ASIC2: variants seen among roughly 807,000 people sequenced by gnomAD.
ASIC2 encodes the protein acid sensing ion channel subunit 2, also known as acid-sensing ion channel 2.
Under a neutral mutation model 57.3 loss-of-function variants are expected in ASIC2, and 25 were observed. The observed-to-expected ratio is 0.44, with a 90% CI of 0.32 to 0.61. The LOEUF (loss-of-function observed/expected upper bound fraction) is 0.61. Among genes scored for constraint, ASIC2 ranks in the 20% least tolerant of loss-of-function variants. The pLI, the probability that ASIC2 is intolerant of heterozygous loss-of-function variation, is 0.06. For missense variants in ASIC2, 641 were observed against 738.1 expected, an observed-to-expected ratio of 0.87 and a Z score of 1.52; for synonymous variants, 319 against 307.5, an observed-to-expected ratio of 1.04 and a Z score of -0.39.
chr17:34,034,618 G>A lies in ASIC2; in HGVS notation c.555+121360C>T, dbSNP rs533272481. Among the ~76,000 whole-genome samples the A allele has an allele frequency of 3.3e-3, 503 of 152,222 alleles. 6 individuals are homozygous for A. Among genetic ancestry groups the A allele is most frequent in the African/African-American group, 0.011 (459 of 41,522 alleles). ...GATTGTATATCTAGAAAACCCCATC[G>A]TCTCAGCCCAAAATCTCCTCAGGCT... is the stretch of plus-strand genomic sequence containing the variant. On this transcript the variant is annotated intron_variant, in intron 1 of 9. Coordinates refer to the ASIC2 transcript ENST00000359872.
chr17:33,679,799 G>A (rs1465907427), intron 1 of ASIC2, among the ~76,000 whole-genome samples: 1 of 152,120 alleles, frequency 6.6e-6, no homozygotes, highest in Non-Finnish European at 1.5e-5. Context: ...GCGGGGCAGG[G>A]CTTGTGCTTT....
intron 1 of ASIC2, among the ~76,000 whole-genome samples, chr17:33,243,212 A>C (rs775274367): frequency 3.3e-5 from 5 of 152,274 alleles, no homozygotes; most frequent in African/African-American, 1.2e-4. Flanking sequence ...AATGATTATT[A>C]GAATAAGTGT....
At chr17:33,528,167 G>GGTGTGCGTGTGT (rs1914941960) in intron 1 of ASIC2, among the ~76,000 whole-genome samples, 1 of 143,406 alleles carries the variant, frequency 7.0e-6, no homozygotes, top group Non-Finnish European at 1.5e-5. Flanking sequence ...GTATGTGGTA[G>GGTGTGCGTGTGT]GTGTGTGTGT....
chr17:34,040,384 C>T (rs1332596160), intron 1 of ASIC2, among the ~76,000 whole-genome samples: 1 of 111,984 alleles, frequency 8.9e-6, no homozygotes, highest in Non-Finnish European at 1.7e-5. Flanking sequence ...GCGAGATTTG[C>T]ACGGCTGGGA....
chr17:33,259,689 C>T lies in ASIC2; in HGVS notation c.708+31719G>A, dbSNP rs982940461. 4.6e-5 allele frequency among the ~76,000 whole-genome samples: 7 copies of T among 152,206 alleles called. No homozygotes were observed. The South Asian group carries it at 6.3e-4, about 14-fold the overall frequency. ...GATGCTCCTTGTTCGTATGATCACA[C>T]GATCCCTAGTAGGTGTCATGCACCC... On this transcript the variant is annotated intron_variant, in intron 1 of 9. Transcript: ENST00000225823.
rs77905230 is a variant in ASIC2, at chr17:33,750,610, C to T, written c.555+405368G>A. ...CTACAGTTAATAACTCCGAACAGTG[C>T]CCATGACCTGCACCCTATGTGGAGT... is the stretch of plus-strand genomic sequence containing the variant. On this transcript the variant is annotated intron_variant, in intron 1 of 9. Coordinates refer to the ASIC2 transcript ENST00000359872. 9.8e-3 allele frequency among the ~76,000 whole-genome samples: 1,495 copies of T among 152,262 alleles called. 10 individuals are homozygous for T. Among genetic ancestry groups the T allele is most frequent in the South Asian group, 0.024 (117 of 4,816 alleles).
chr17:33,801,094 T>C (rs943032946), intron 1 of ASIC2, among the ~76,000 whole-genome samples: 1 of 152,206 alleles, frequency 6.6e-6, no homozygotes, highest in African/African-American at 2.4e-5. Flanking sequence ...GTCCACTTCG[T>C]CAGAAAGCTT....
chr17:33,806,831 A>T (rs758252569), intron 1 of ASIC2, among the ~76,000 whole-genome samples: 8 of 152,216 alleles, frequency 5.3e-5, no homozygotes, highest in Non-Finnish European at 1.2e-4. Flanking sequence ...TTCAGTCCAC[A>T]GTTCTGTGCA....
chr17:33,037,104 TA>T (rs1217953373), intron 3 of ASIC2, among the ~76,000 whole-genome samples: 2 of 87,880 alleles, frequency 2.3e-5, no homozygotes, highest in African/African-American at 8.9e-5. Flanking sequence ...AACCCCAAAT[TA>T]AAAAAAATTA....
At chr17:33,991,639 G>A (rs78544290) in intron 1 of ASIC2, among the ~76,000 whole-genome samples, 1 of 152,186 alleles carries the variant, frequency 6.6e-6, no homozygotes, top group African/African-American at 2.4e-5. Context: ...GCAATGCACT[G>A]TTGGCTTTCT....
At chr17:33,352,790 G>C (rs897154339) in intron 1 of ASIC2, among the ~76,000 whole-genome samples, 4 of 152,062 alleles carry the variant, frequency 2.6e-5, no homozygotes, top group Non-Finnish European at 5.9e-5. Context: ...TGCCTCTCAG[G>C]CTCCATCCTG....
chr17:34,155,939 A>G, intron 1 of ASIC2: 1 of 1,556,894 alleles, frequency 6.4e-7, no homozygotes, highest in Non-Finnish European at 8.7e-7. Flanking sequence ...CCACTTCTCC[A>G]GAGGACCAGA....
Position 33,123,530 on chromosome 17 carries a change from C to T in ASIC2, c.709-11463G>A, listed in dbSNP as rs115012611. Among the ~76,000 whole-genome samples, 279 of 152,096 alleles carry T rather than the reference C, an allele frequency of 1.8e-3. 2 individuals are homozygous for T. The highest frequency in any genetic ancestry group is 6.3e-3 in the African/African-American group (260 of 41,482). ...TGCTTGCCTAATCTTGTGATTACAA[C>T]CCTATTCTTGCTTCTAACTGCTGCA... On this transcript the variant is annotated intron_variant, in intron 1 of 9. Coordinates refer to ENST00000225823, the MANE Select transcript of ASIC2 (RefSeq NM_183377.2).
intron 1 of ASIC2, among the ~76,000 whole-genome samples, chr17:33,634,191 T>C (rs1422961079): frequency 2.6e-5 from 4 of 152,248 alleles, no homozygotes; most frequent in Non-Finnish European, 5.9e-5. Context: ...TCCCTGAATA[T>C]ACTGCCCACA....
rs149024512 is a variant in ASIC2, at chr17:33,049,368, CTGTT to C, written c.988-20980_988-20977del. Among the ~76,000 whole-genome samples the C allele has an allele frequency of 6.3e-3, 956 of 152,272 alleles. 12 individuals are homozygous for C. Among genetic ancestry groups the C allele is most frequent in the African/African-American group, 0.022 (917 of 41,552 alleles). ...GCTGGGAATAACAGCTCATATCTCA[CTGTT>C]TGAGAATTTCTATGTTTCATCATTT... is the stretch of plus-strand genomic sequence containing the variant. On this transcript the variant is annotated intron_variant, in intron 3 of 9. Coordinates refer to ENST00000225823, the MANE Select transcript of ASIC2 (RefSeq NM_183377.2).
rs984747068 is a variant in ASIC2 at position 33,398,770 on chromosome 17, C to T, written c.556-286703G>A. Among the ~76,000 whole-genome samples the T allele has an allele frequency of 3.8e-4, 58 of 152,252 alleles. 1 individual carries two copies. Among genetic ancestry groups the T allele is most frequent in the Non-Finnish European group, 6.8e-4 (46 of 68,020 alleles). On this transcript the variant is annotated intron_variant, in intron 1 of 9. Coordinates refer to the ASIC2 transcript ENST00000359872. ...ACATGATTGCCACCTTTTTCAGAAA[C>T]CACTAGGATTTAAAGTGATGAAGTG...
chr17:33,942,244 A>G (rs190144393), intron 1 of ASIC2, among the ~76,000 whole-genome samples: 1 of 152,286 alleles, frequency 6.6e-6, no homozygotes, highest in African/African-American at 2.4e-5. Flanking sequence ...ACAGCTTGAT[A>G]GGTGGGTTCC....
chr17:33,578,798 CTAGT>C (rs1916738549), intron 1 of ASIC2, among the ~76,000 whole-genome samples: 1 of 37,684 alleles, frequency 2.7e-5, no homozygotes, highest in African/African-American at 2.3e-4. Context: ...TAAGATTAGT[CTAGT>C]CACAGTTCAT....
intron 1 of ASIC2, among the ~76,000 whole-genome samples, chr17:34,051,079 C>A (rs1018298124): frequency 5.3e-5 from 8 of 152,192 alleles, no homozygotes; most frequent in Non-Finnish European, 7.3e-5. Flanking sequence ...TGCTTTCCTG[C>A]AACTCTTGGG....
Sources: gnomAD v4.1 joint callset for allele counts (sites outside exome capture counted in the v4.1 genomes callset) on GRCh38, gnomAD v4.1.1 for gene constraint, MANE v1.5 for transcripts, NCBI Gene and HGNC (gene_info 2026-07-23, HGNC 2026-07-21) for gene names.